Variants in FBXO17 observed in about 807,000 individuals in gnomAD.
FBXO17 encodes the protein F-box protein 17, also known as F-box only protein 17.
Under a neutral mutation model 34.1 loss-of-function variants are expected in FBXO17, and 43 were observed. That is an observed-to-expected ratio of 1.26 (90% CI 0.99 to 1.62). FBXO17 has a LOEUF of 1.62. FBXO17 is among the 40% of genes most tolerant of loss of function. FBXO17 has a pLI of 0.00. For missense variants in FBXO17, 424 were observed against 386.7 expected (o/e 1.10, Z -0.81); for synonymous variants, 169 against 166.0 (o/e 1.02, Z -0.14).
At chr19:38,966,293 T>TTGTGTGTGTGTGTG (rs10569438) in intron 1 of FBXO17, among the ~76,000 whole-genome samples, 38,608 of 142,728 alleles carry the variant, frequency 0.27, 5,608 homozygotes, top group South Asian at 0.39. Context: ...ATTAAAAATT[T>TTGTGTGTGTGTGTG]TGTGTGTGTG....
At chr19:38,946,343 G>C in intron 4 of FBXO17, 129 bp downstream of exon 4, 2 of 1,437,616 alleles carry the variant, frequency 1.4e-6, no homozygotes, top group Non-Finnish European at 1.9e-6. Flanking sequence ...TCCCCTCTCA[G>C]CCTCATCACA....
intron 1 of FBXO17, among the ~76,000 whole-genome samples, chr19:38,959,925 C>A (rs2144832163): frequency 6.6e-6 from 1 of 152,054 alleles, no homozygotes; most frequent in African/African-American, 2.4e-5. Context: ...AACACCACCA[C>A]CACTACCAAA....
intron 1 of FBXO17, among the ~76,000 whole-genome samples, chr19:38,959,130 C>G (rs1036299606): frequency 1.3e-5 from 2 of 151,060 alleles, no homozygotes; most frequent in African/African-American, 2.4e-5. Context: ...CCAGGCTGGT[C>G]TCTTCCTGGG....
In FBXO17 at chr19:38,942,761, G is replaced by A. The variant is rs757429154; in HGVS notation, c.694-10C>T. 179 of 1,598,622 alleles carry A rather than the reference G, an allele frequency of 1.1e-4. 1 individual carries two copies. Among genetic ancestry groups the A allele is most frequent in the Non-Finnish European group, 1.5e-4 (174 of 1,174,086 alleles). ...TGAAGACGTGGGAGACCTGCAGGGG[G>A]AAGGGGAGTGAGAGGGTGAGGGCCT... On this transcript the variant is annotated splice_polypyrimidine_tract_variant and intron_variant, in intron 5 of 5. Coordinates refer to ENST00000292852, the MANE Select transcript of FBXO17 (RefSeq NM_024907.7).
intron 2 of FBXO17, among the ~76,000 whole-genome samples, chr19:38,948,998 T>C (rs2144814594): frequency 6.6e-6 from 1 of 152,088 alleles, no homozygotes; most frequent in South Asian, 2.1e-4. Flanking sequence ...GGCTCCATCA[T>C]AGCTCACTGC....
At chr19:38,944,254 C>CCATTATTATTATTATTATTA in intron 5 of FBXO17, among the ~76,000 whole-genome samples, 1 of 71,356 alleles carries the variant, frequency 1.4e-5, no homozygotes, top group South Asian at 4.8e-4. Flanking sequence ...TCTGATCTGA[C>CCATTATTATTATTATTATTA]TCATTATTAT....
chr19:38,946,229 G>GC lies in FBXO17; in HGVS notation c.557+242dup, dbSNP rs1974980888. 8.4e-6 allele frequency: 5 copies of GC among 596,808 alleles called. No individual in the cohort carries two copies. The East Asian group carries it at 1.5e-4, about 18-fold the overall frequency. The allele number at this position is 596,808 out of a possible 1,614,324, so 37.0% of individuals were successfully genotyped here. ...CAGAGGGGTATCAAGCCAGTCAGTG[G>GC]CCCCCTGTGGACCACCCCAGCCTGC... is the stretch of plus-strand genomic sequence containing the variant. On this transcript the variant is annotated intron_variant, in intron 4 of 5. Coordinates refer to ENST00000292852, the MANE Select transcript of FBXO17 (RefSeq NM_024907.7).
Position 38,946,585 on chromosome 19 carries a change from CA to C in FBXO17, c.462-19del. The stretch of plus-strand genomic sequence containing the variant: ...AGCACCATCTGGGAAGGAGAGATGG[CA>C]GGGGGCAGGGCAAACAGTCCTGGCA... On this transcript the variant is annotated intron_variant, in intron 3 of 5. Coordinates refer to ENST00000292852, the MANE Select transcript of FBXO17 (RefSeq NM_024907.7). The C allele has an allele frequency of 4.3e-6, 7 of 1,611,818 alleles. No homozygotes were observed. Among genetic ancestry groups the C allele is most frequent in the Non-Finnish European group, 5.9e-6 (7 of 1,179,464 alleles).
At chr19:38,952,925 T>C (rs1975108154) in intron 1 of FBXO17, 2 of 440,802 alleles carry the variant, frequency 4.5e-6, no homozygotes, top group African/African-American at 2.0e-5. Context: ...TCCCATCCGT[T>C]GTCCCTTTCA....
Position 38,950,107 on chromosome 19 carries a change from GC to G in FBXO17, c.212del (p.Gly71AlafsTer63). ...LQLARDRSAE[G>X]RALYAVAQRC... ...GTTGAGCCACTGCGTAGAGTGCGCG[GC>G]CCTCGGCGCTGCGGTCGCGGGCCAG... On this transcript the variant is annotated frameshift_variant, in exon 2 of 6. Coordinates refer to ENST00000292852, the MANE Select transcript of FBXO17 (RefSeq NM_024907.7). LOFTEE classifies it high-confidence loss of function. 6.4e-7 allele frequency: 1 copy of G among 1,562,604 alleles called. No individual in the cohort carries two copies.
intron 1 of FBXO17, among the ~76,000 whole-genome samples, chr19:38,974,699 A>G (rs1975438759): frequency 6.6e-6 from 1 of 152,208 alleles, no homozygotes; most frequent in Non-Finnish European, 1.5e-5. Flanking sequence ...AATAGATACC[A>G]GAGGAATAAA....
chr19:38,952,116 A>G (rs1975094521), intron 1 of FBXO17, among the ~76,000 whole-genome samples: 1 of 152,076 alleles, frequency 6.6e-6, no homozygotes, highest in African/African-American at 2.4e-5. Flanking sequence ...ACACCGAGCC[A>G]GTAATTTCTG....
chr19:38,955,088 G>A (rs562937298), intron 1 of FBXO17, among the ~76,000 whole-genome samples: 66 of 151,096 alleles, frequency 4.4e-4, no homozygotes, highest in Non-Finnish European at 7.8e-4. Flanking sequence ...CCACCACCAT[G>A]CCCAGCTAAT....
chr19:38,967,706 A>C (rs1210539646), intron 1 of FBXO17, among the ~76,000 whole-genome samples: 1 of 151,922 alleles, frequency 6.6e-6, no homozygotes, highest in Non-Finnish European at 1.5e-5. Flanking sequence ...CTGGGACTAC[A>C]GATGCACCCA....
At chr19:38,962,171 G>A (rs7254599) in intron 1 of FBXO17, among the ~76,000 whole-genome samples, 2 of 141,518 alleles carry the variant, frequency 1.4e-5, no homozygotes, top group African/African-American at 5.2e-5. Context: ...GCCTGGACAA[G>A]AAGAGCGAAA....
chr19:38,946,264 G>C, intron 4 of FBXO17: 1 of 803,892 alleles, frequency 1.2e-6, no homozygotes, highest in Non-Finnish European at 1.9e-6. Context: ...CTGGGATGAG[G>C]GTGGGCAGGA....
chr19:38,942,711 T>G lies in FBXO17; in HGVS notation c.734A>C (p.Tyr245Ser). 1 of 1,606,072 alleles carries G rather than the reference T, an allele frequency of 6.2e-7. No homozygotes were observed. The highest frequency in any genetic ancestry group is 8.5e-7 in the Non-Finnish European group (1 of 1,176,776). Residue 245 changes from tyrosine to serine, a missense_variant, in exon 6 of 6, where the codon TAC becomes TCC. Coordinates refer to ENST00000292852, the MANE Select transcript of FBXO17 (RefSeq NM_024907.7). Reference sequence around the variant, plus strand: ...TCTCCCGTACTGCTCAAAAGATACGTAGCGGATGCCCTTGCCAAAGTTGGT... The same window carrying G: ...TCTCCCGTACTGCTCAAAAGATACGGAGCGGATGCCCTTGCCAAAGTTGGT... The part of the protein sequence containing the change: ...VFTNFGKGIR[Y>S]VSFEQYGRDV...
intron 1 of FBXO17, among the ~76,000 whole-genome samples, chr19:38,954,893 ATT>A (rs1204632707): frequency 1.1e-5 from 1 of 94,396 alleles, no homozygotes; most frequent in Non-Finnish European, 2.1e-5. Context: ...ACAATGTGTT[ATT>A]TTATTATTAT....
chr19:38,951,487 G>A (rs1251371516), intron 1 of FBXO17, among the ~76,000 whole-genome samples: 1 of 148,752 alleles, frequency 6.7e-6, no homozygotes, highest in Non-Finnish European at 1.5e-5. Context: ...GTCACCTCTT[G>A]ATCACAATGC....
Sources: allele counts gnomAD v4.1 joint callset (sites outside exome capture counted in the v4.1 genomes callset), GRCh38; gene constraint gnomAD v4.1.1; transcripts MANE v1.5; gene names NCBI Gene and HGNC (gene_info 2026-07-23, HGNC 2026-07-21).